Variants in LHPP observed in about 807,000 individuals in gnomAD.
LHPP encodes hLHPP.
A neutral mutation model predicts 30.3 loss-of-function variants in LHPP; 24 were observed. That is an observed-to-expected ratio of 0.79 (90% CI 0.57 to 1.11). LHPP has a LOEUF of 1.11. Among genes scored for constraint, LHPP ranks in the 50% most tolerant of loss-of-function variants. The pLI, the probability that LHPP is intolerant of heterozygous loss-of-function variation, is 0.00. For synonymous variants in LHPP, 150 were observed against 157.1 expected (o/e 0.95, Z 0.34); for missense variants, 356 against 367.2 (o/e 0.97, Z 0.25).
chr10:124,601,646 T>C (rs1949023037), intron 6 of LHPP, among the ~76,000 whole-genome samples: 1 of 152,230 alleles, frequency 6.6e-6, no homozygotes, highest in African/African-American at 2.4e-5. Flanking sequence ...GCTGGCGCCA[T>C]GGTGTCGGTT....
At chr10:124,498,327 G>A (rs757775390) in intron 5 of LHPP, 199 bp downstream of exon 5, 4 of 1,574,798 alleles carry the variant, frequency 2.5e-6, no homozygotes, top group Admixed American at 1.9e-5. Flanking sequence ...CAACCGTGAA[G>A]TTACTTTCAG....
At chr10:124,513,293 C>T (rs1194602422) in intron 5 of LHPP, among the ~76,000 whole-genome samples, 2 of 151,928 alleles carry the variant, frequency 1.3e-5, no homozygotes, top group Non-Finnish European at 2.9e-5. Context: ...CTCCTGGGCT[C>T]AAGTGATCTG....
At chr10:124,594,922 C>T (rs1948923965) in intron 6 of LHPP, among the ~76,000 whole-genome samples, 1 of 152,190 alleles carries the variant, frequency 6.6e-6, no homozygotes, top group Non-Finnish European at 1.5e-5. Flanking sequence ...TGAGCCACCG[C>T]ACCCAGCCCC....
At chr10:124,491,394 T>G (rs528863039) in intron 3 of LHPP, among the ~76,000 whole-genome samples, 1 of 152,350 alleles carries the variant, frequency 6.6e-6, no homozygotes, top group East Asian at 1.9e-4. Context: ...CATTGGCCAC[T>G]GCCACACACT....
intron 6 of LHPP, among the ~76,000 whole-genome samples, chr10:124,580,909 G>A (rs533669996): frequency 5.3e-5 from 8 of 152,188 alleles, no homozygotes; most frequent in Admixed American, 3.3e-4. Flanking sequence ...AGTAGAGACG[G>A]GGTTTCGCCA....
chr10:124,497,186 C>T (rs540636822), intron 4 of LHPP, among the ~76,000 whole-genome samples, 162 bp downstream of exon 4: 10 of 150,826 alleles, frequency 6.6e-5, no homozygotes, highest in Non-Finnish European at 1.2e-4. Context: ...GCCGGGCCCT[C>T]GGGCCCTCAG....
At chr10:124,505,945 G>T (rs1055568050) in intron 5 of LHPP, among the ~76,000 whole-genome samples, 5 of 152,128 alleles carry the variant, frequency 3.3e-5, no homozygotes, top group African/African-American at 1.2e-4. Flanking sequence ...CCACCATGAG[G>T]TTAAGACAGG....
intron 6 of LHPP, among the ~76,000 whole-genome samples, chr10:124,565,315 G>A (rs1462376924): frequency 3.3e-5 from 5 of 152,150 alleles, no homozygotes; most frequent in Admixed American, 2.6e-4. Flanking sequence ...CTTGCAGAAG[G>A]AAGAGCTGGT....
chr10:124,516,967 C>T (rs1954471405), intron 5 of LHPP, among the ~76,000 whole-genome samples: 1 of 152,160 alleles, frequency 6.6e-6, no homozygotes, highest in Admixed American at 6.5e-5. Context: ...CAGATATATA[C>T]TGTTCAAAGC....
intron 6 of LHPP, among the ~76,000 whole-genome samples, chr10:124,606,036 A>G (rs1425618847): frequency 6.6e-6 from 1 of 152,112 alleles, no homozygotes; most frequent in African/African-American, 2.4e-5. Context: ...GCTCCTGCGC[A>G]AGGATGGGGG....
chr10:124,467,964 C>T (rs1203026040), intron 1 of LHPP, among the ~76,000 whole-genome samples: 1 of 152,144 alleles, frequency 6.6e-6, no homozygotes, highest in Non-Finnish European at 1.5e-5. Context: ...CTCGCCTGGG[C>T]CTCCCAAAGT....
chr10:124,525,995 G>A (rs921966198), intron 6 of LHPP, among the ~76,000 whole-genome samples: 2 of 150,800 alleles, frequency 1.3e-5, no homozygotes, highest in African/African-American at 4.8e-5. Context: ...ACAAGGCCTG[G>A]GGGTTGGCCC....
chr10:124,524,445 T>G (rs552261941), intron 6 of LHPP, among the ~76,000 whole-genome samples: 1 of 152,040 alleles, frequency 6.6e-6, no homozygotes, highest in South Asian at 2.1e-4. Flanking sequence ...CCCAACTAAT[T>G]TATGTATTTT....
chr10:124,498,819 C>A (rs760602818), intron 5 of LHPP: 5 of 380,366 alleles, frequency 1.3e-5, no homozygotes, highest in South Asian at 7.3e-5. Context: ...TAACCAGGCC[C>A]CCCCCCCGCC....
In LHPP at chr10:124,576,479, T is replaced by C. The variant is rs1448995803; in HGVS notation, c.717-36785T>C. On this transcript the variant is annotated intron_variant, in intron 6 of 6. Coordinates refer to ENST00000368842, the MANE Select transcript of LHPP (RefSeq NM_022126.4). This position sits in a 1 kb window ranked among gnomAD's most constrained non-coding sequence, Gnocchi z 4.2. ...ATCCTGCCTCCAGAACCCCTATATC[T>C]TGCTCCCACTCCCTACCATATGCTG... Among the ~76,000 whole-genome samples, 1 of 110,058 alleles carries C rather than the reference T, an allele frequency of 9.1e-6. No individual in the cohort carries two copies. The highest frequency in any genetic ancestry group is 1.8e-5 in the Non-Finnish European group (1 of 54,872). 72.2% of individuals were successfully genotyped at this position (110,058 alleles called of 152,430 possible).
intron 6 of LHPP, among the ~76,000 whole-genome samples, chr10:124,569,014 G>A (rs1948541556): frequency 6.6e-6 from 1 of 152,202 alleles, no homozygotes; most frequent in Non-Finnish European, 1.5e-5. Flanking sequence ...ACACGGGCTT[G>A]GAGTGGCCAT....
chr10:124,473,923 G>C lies in LHPP; in HGVS notation c.126-10216G>C, dbSNP rs914564320. Reference sequence around the variant, plus strand: ...AGATTGCACCACTGCACTCCAGCCTGGGCAATACCAGCGAGACTCGGTCTC... The same window carrying C: ...AGATTGCACCACTGCACTCCAGCCTCGGCAATACCAGCGAGACTCGGTCTC... On this transcript the variant is annotated intron_variant, in intron 1 of 6. Coordinates refer to ENST00000368842, the MANE Select transcript of LHPP (RefSeq NM_022126.4). Among the ~76,000 whole-genome samples the C allele has an allele frequency of 2.0e-5, 3 of 152,256 alleles. No homozygotes were observed. The South Asian group carries it at 6.2e-4, about 32-fold the overall frequency.
chr10:124,579,239 C>G (rs903696582), intron 6 of LHPP, among the ~76,000 whole-genome samples: 1 of 152,254 alleles, frequency 6.6e-6, no homozygotes, highest in Admixed American at 6.5e-5. Flanking sequence ...ACCACCGGGG[C>G]GCTGGCCAGT....
At chr10:124,479,218 CT>C (rs1395629766) in intron 1 of LHPP, among the ~76,000 whole-genome samples, 1 of 152,190 alleles carries the variant, frequency 6.6e-6, no homozygotes, top group Non-Finnish European at 1.5e-5. Context: ...CAGAAGGCCC[CT>C]TTCCCCAAGG....
Sources: gnomAD v4.1 joint callset for allele counts (sites outside exome capture counted in the v4.1 genomes callset) on GRCh38, gnomAD v4.1.1 for gene constraint, Gnocchi (gnomAD v3.1) non-coding constraint, MANE v1.5 for transcripts, NCBI Gene and HGNC (gene_info 2026-07-23, HGNC 2026-07-21) for gene names.